The following ACACA variants were observed in gnomAD, a reference collection of about 807,000 sequenced individuals.
ACACA encodes acetyl-CoA carboxylase alpha.
In ACACA, 103 loss-of-function variants were observed where a neutral mutation model predicts 296.1. The observed-to-expected ratio is 0.35, with a 90% CI of 0.30 to 0.41. The LOEUF (loss-of-function observed/expected upper bound fraction) is 0.41. ACACA is among the 10% of genes least tolerant of loss of function. The pLI, the probability that ACACA is intolerant of heterozygous loss-of-function variation, is 1.00. For synonymous variants in ACACA, 953 were observed against 1,038.6 expected (o/e 0.92, Z 1.58); for missense variants, 1,554 against 2,989.7 (o/e 0.52, Z 11.20).
intron 3 of ACACA, among the ~76,000 whole-genome samples, chr17:37,311,140 G>A (rs1014476330): frequency 6.6e-6 from 1 of 152,162 alleles, no homozygotes; most frequent in African/African-American, 2.4e-5. Flanking sequence ...TTGGGCAGAG[G>A]ACAGAACAGA....
intron 1 of ACACA, among the ~76,000 whole-genome samples, chr17:37,403,860 C>T (rs1013363895): frequency 3.3e-5 from 5 of 152,038 alleles, no homozygotes; most frequent in African/African-American, 1.2e-4. Context: ...CTCACTGCAA[C>T]CTCCACCTCC....
At chr17:37,250,546 G>A (rs1050473333) in intron 16 of ACACA, among the ~76,000 whole-genome samples, 4 of 152,062 alleles carry the variant, frequency 2.6e-5, no homozygotes, top group Admixed American at 1.3e-4. Context: ...GCTGAGGCAG[G>A]AGAATCCCTT....
chr17:37,160,393 T>C (rs1226294757), intron 42 of ACACA, among the ~76,000 whole-genome samples: 1 of 152,204 alleles, frequency 6.6e-6, no homozygotes. Context: ...TGCAGGTACA[T>C]GGAAGCTTGT....
intron 29 of ACACA, among the ~76,000 whole-genome samples, chr17:37,216,728 A>G (rs1470653976): frequency 6.6e-6 from 1 of 152,050 alleles, no homozygotes; most frequent in African/African-American, 2.4e-5. Context: ...AGGCTCCCCT[A>G]GTCATTTGCA....
intron 28 of ACACA, among the ~76,000 whole-genome samples, chr17:37,223,145 GC>G (rs1261433314): frequency 2.0e-5 from 3 of 152,040 alleles, no homozygotes; most frequent in Admixed American, 6.6e-5. Context: ...TTTTAATTTG[GC>G]CCAAATCACA....
intron 35 of ACACA, 29 bp downstream of exon 35, chr17:37,200,110 A>C: frequency 2.6e-6 from 4 of 1,530,660 alleles, no homozygotes; most frequent in Non-Finnish European, 3.6e-6. Context: ...AACAGTAAGT[A>C]ATCTTTCATT....
At chr17:37,294,116 C>T (rs531003630) in intron 3 of ACACA, among the ~76,000 whole-genome samples, 3 of 150,866 alleles carry the variant, frequency 2.0e-5, no homozygotes, top group Non-Finnish European at 4.4e-5. Context: ...AAGTTACTCT[C>T]ATTCGTTGAA....
chr17:37,186,939 A>G (rs1358709121), intron 39 of ACACA, among the ~76,000 whole-genome samples: 1 of 152,138 alleles, frequency 6.6e-6, no homozygotes, highest in Non-Finnish European at 1.5e-5. Flanking sequence ...GAACAAACAT[A>G]TTTATCAAAA....
intron 41 of ACACA, among the ~76,000 whole-genome samples, chr17:37,168,547 A>C (rs116722376): frequency 0.011 from 1,741 of 151,622 alleles, 38 homozygotes; most frequent in African/African-American, 0.039. Flanking sequence ...TAAGGGGGGA[A>C]AAAAATCTCA....
intron 29 of ACACA, among the ~76,000 whole-genome samples, chr17:37,216,343 C>T (rs1262961405): frequency 6.6e-6 from 1 of 151,906 alleles, no homozygotes; most frequent in Admixed American, 6.6e-5. Flanking sequence ...GTTCTAATAA[C>T]TGGATCCTCT....
chr17:37,333,391 T>C (rs867443962), intron 2 of ACACA, among the ~76,000 whole-genome samples: 89 of 152,062 alleles, frequency 5.9e-4, no homozygotes, highest in African/African-American at 2.0e-3. Flanking sequence ...GCCAACCAGA[T>C]ATTGGAGCCA....
intron 3 of ACACA, among the ~76,000 whole-genome samples, chr17:37,288,311 C>A (rs1352973011): frequency 6.6e-6 from 1 of 152,024 alleles, no homozygotes; most frequent in Non-Finnish European, 1.5e-5. Flanking sequence ...TTCTTTTGGG[C>A]CCCAAGTCCA....
At chr17:37,286,809 A>T (rs1262975492) in intron 3 of ACACA, among the ~76,000 whole-genome samples, 1 of 151,702 alleles carries the variant, frequency 6.6e-6, no homozygotes, top group Non-Finnish European at 1.5e-5. Context: ...TTATGCCCAG[A>T]GGTCCAGGCA....
At chr17:37,181,896 T>C (rs2144883958) in intron 39 of ACACA, among the ~76,000 whole-genome samples, 1 of 70,282 alleles carries the variant, frequency 1.4e-5, no homozygotes, top group Admixed American at 2.5e-4. Flanking sequence ...CAAGACTCTG[T>C]ATCCAAAAAA....
At chr17:37,191,400 T>A in intron 37 of ACACA, 125 bp from the exon 38 acceptor site, 1 of 1,002,082 alleles carries the variant, frequency 1.0e-6, no homozygotes, top group South Asian at 1.4e-5. Context: ...AGATTGTTTA[T>A]CTTTCTCCCT....
chr17:37,311,840 C>T (rs1040568425), intron 3 of ACACA, among the ~76,000 whole-genome samples: 4 of 149,450 alleles, frequency 2.7e-5, no homozygotes, highest in African/African-American at 7.4e-5. Context: ...CCACTGCACT[C>T]CAGCATGGGT....
chr17:37,342,954 T>G (rs567052658), intron 1 of ACACA, among the ~76,000 whole-genome samples: 31 of 152,076 alleles, frequency 2.0e-4, no homozygotes, highest in African/African-American at 7.0e-4. Flanking sequence ...ACAAAAAAAG[T>G]CAGCCTGCAT....
In ACACA at chr17:37,120,390, C is replaced by T. The variant is rs59596530; in HGVS notation, c.6274+965G>A. 1.1e-3 allele frequency among the ~76,000 whole-genome samples: 173 copies of T among 152,176 alleles called. 1 individual carries two copies. Among genetic ancestry groups the T allele is most frequent in the African/African-American group, 4.0e-3 (166 of 41,520 alleles). ...AAGTGATTCTCCTGCCTCAGCCTCC[C>T]GGGTAGCTGGGACTACAAGCGCCCA... On this transcript the variant is annotated intron_variant, in intron 50 of 55. Coordinates refer to ENST00000616317, the MANE Select transcript of ACACA (RefSeq NM_198834.3).
intron 45 of ACACA, among the ~76,000 whole-genome samples, chr17:37,132,963 C>T (rs1469968737): frequency 6.6e-6 from 1 of 152,186 alleles, no homozygotes; most frequent in Non-Finnish European, 1.5e-5. Context: ...GATGCTTTGG[C>T]ATTGTTCTGA....
Sources: gnomAD v4.1 joint callset for allele counts (sites outside exome capture counted in the v4.1 genomes callset) on GRCh38, gnomAD v4.1.1 for gene constraint, MANE v1.5 for transcripts, NCBI Gene and HGNC (gene_info 2026-07-23, HGNC 2026-07-21) for gene names.